Variants in HAS3 observed in about 807,000 individuals in gnomAD.
The protein encoded by HAS3 is HA synthase 3.
Under a neutral mutation model 50.3 loss-of-function variants are expected in HAS3, and 27 were observed. That is an observed-to-expected ratio of 0.54 (90% confidence interval 0.40 to 0.74). The LOEUF is 0.74. Among genes scored for constraint, HAS3 ranks in the 30% least tolerant of loss-of-function variants. The probability of loss-of-function intolerance (pLI) is 0.00; values close to 1 mark genes in which losing one functional copy is unlikely to be tolerated. For missense variants in HAS3, 517 were observed against 742.8 expected, an observed-to-expected ratio of 0.70 and a Z score of 3.53; for synonymous variants, 339 against 310.9, an observed-to-expected ratio of 1.09 and a Z score of -0.95.
chr16:69,104,264 T>C (rs553913775), upstream of HAS3, among the ~76,000 whole-genome samples: 17 of 129,636 alleles, frequency 1.3e-4, no homozygotes, highest in Non-Finnish European at 1.9e-4. Flanking sequence ...CTAATGTTTT[T>C]TTTTTTTTTC....
rs1960832808 is a variant in HAS3, at chr16:69,107,268, TG to T, written c.-1+1486del. 1 of 810,342 alleles carries T rather than the reference TG, an allele frequency of 1.2e-6. No individual in the cohort carries two copies. Among genetic ancestry groups the T allele is most frequent in the Non-Finnish European group, 1.4e-6 (1 of 693,206 alleles). 50.2% of individuals were successfully genotyped at this position (810,342 alleles called of 1,614,324 possible). A position where few individuals can be genotyped will look rare whatever the true frequency, so the allele number is the denominator to read the frequency against. Reference sequence around the variant, plus strand: ...CATTTTGGGGGCCTCTATTTGGGGGTGGGGGTAGTAACCTGGGTAATGCCTC... The same window carrying T: ...CATTTTGGGGGCCTCTATTTGGGGGTGGGGTAGTAACCTGGGTAATGCCTC... On this transcript the variant is annotated intron_variant, in intron 1 of 3. Transcript: ENST00000569188. The surrounding 1 kb of genome is among the most constrained non-coding windows in gnomAD (Gnocchi z 5.5).
chr16:69,096,395 G>T, the HAS3 span, among the ~76,000 whole-genome samples: 1 of 151,398 alleles, frequency 6.6e-6, no homozygotes, highest in Admixed American at 6.6e-5. Flanking sequence ...AATTAGCCAG[G>T]TGTGGTGGCA....
chr16:69,113,497 C>G lies in HAS3; in HGVS notation c.693C>G (p.Val231=). ...DPACTIEMLR[V]LEEDPQVGGV... is the part of the protein sequence containing the mutation. ...CCTGCACCATCGAGATGCTTCGAGT[C>G]CTGGAGGAGGATCCCCAAGTAGGGG... Residue 231 remains valine, a synonymous_variant, in exon 3 of 4, where the codon GTC becomes GTG. Transcript: ENST00000569188. The G allele has an allele frequency of 6.2e-7, 1 of 1,613,414 alleles. No individual in the cohort carries two copies. The highest frequency in any genetic ancestry group is 8.5e-7 in the Non-Finnish European group (1 of 1,179,544).
the HAS3 span, among the ~76,000 whole-genome samples, chr16:69,099,980 A>G: frequency 6.6e-6 from 1 of 152,188 alleles, no homozygotes; most frequent in Non-Finnish European, 1.5e-5. Context: ...TCAAGCCAGC[A>G]TAAAAGAACC....
chr16:69,106,423 C>G lies in HAS3; in HGVS notation c.-1+636C>G, dbSNP rs1195309940. 1 of 149,154 alleles carries G rather than the reference C, an allele frequency of 6.7e-6. No homozygotes were observed. Among genetic ancestry groups the G allele is most frequent in the African/African-American group, 2.4e-5 (1 of 41,042 alleles). 9.2% of individuals were successfully genotyped at this position (149,154 alleles called of 1,614,324 possible). On this transcript the variant is annotated intron_variant, in intron 1 of 3. Coordinates refer to ENST00000569188, the MANE Select transcript of HAS3 (RefSeq NM_001199280.2). The surrounding 1 kb of genome is among the most constrained non-coding windows in gnomAD (Gnocchi z 5.5). ...TGCCTCTCGCCGAGCCCCCCGCACCCGGCCAGCTCCCAGCCCTGCGGGCGC... is the reference window on the plus strand; with the variant it reads ...TGCCTCTCGCCGAGCCCCCCGCACCGGGCCAGCTCCCAGCCCTGCGGGCGC...
chr16:69,118,045 A>AAAGAT, downstream of HAS3: 1 of 421,054 alleles, frequency 2.4e-6, no homozygotes, highest in African/African-American at 2.0e-5. Flanking sequence ...AACAGTAAGA[A>AAAGAT]AAGATACAAT....
At position 69,109,309 on chromosome 16, in the gene HAS3, C is replaced by G; in HGVS notation, c.1-87C>G. 7.5e-7 allele frequency: 1 copy of G among 1,335,040 alleles called. No homozygotes were observed. Among genetic ancestry groups the G allele is most frequent in the African/African-American group, 1.4e-5 (1 of 69,128 alleles). 82.7% of individuals were successfully genotyped at this position (1,335,040 alleles called of 1,614,324 possible). A position where few individuals can be genotyped will look rare whatever the true frequency, so the allele number is the denominator to read the frequency against. ...AACGGTTTTGATCAGTGGGTCATGT[C>G]CACTAGTAACAGAGAACACCCATGC... On this transcript the variant is annotated intron_variant, in intron 1 of 3. Transcript: ENST00000569188. The surrounding 1 kb of genome is among the most constrained non-coding windows in gnomAD (Gnocchi z 5.3).
intron 1 of HAS3, among the ~76,000 whole-genome samples, chr16:69,108,906 C>T (rs1960901729): frequency 6.6e-6 from 1 of 152,154 alleles, no homozygotes; most frequent in Non-Finnish European, 1.5e-5. Flanking sequence ...GTGAATATCC[C>T]CTCCAGGAGT....
Position 69,113,449 on chromosome 16 carries a change from C to G in HAS3, c.645C>G (p.Asp215Glu). Reference sequence around the variant, plus strand: ...ACGCACTCCCTCTGCAGGTGTGCGACTCTGACACTGTGCTGGATCCAGCCT... The same window carrying G: ...ACGCACTCCCTCTGCAGGTGTGCGAGTCTGACACTGTGCTGGATCCAGCCT... ...GDSVDYIQVC[D>E]SDTVLDPACT... is the part of the protein sequence containing the mutation. Residue 215 changes from aspartate (D) to glutamate (E), a missense_variant, in exon 3 of 4, where the codon GAC becomes GAG. Asp to Glu is a conservative substitution (Grantham distance 45). Coordinates refer to ENST00000569188, the MANE Select transcript of HAS3 (RefSeq NM_001199280.2). The G allele has an allele frequency of 6.2e-7, 1 of 1,612,962 alleles. No homozygotes were observed. The highest frequency in any genetic ancestry group is 8.5e-7 in the Non-Finnish European group (1 of 1,179,086).
chr16:69,084,312 TC>T, the HAS3 span: 1 of 152,312 alleles, frequency 6.6e-6, no homozygotes, highest in South Asian at 2.1e-4. Flanking sequence ...GGTTGACTCT[TC>T]CAGAGAAGAA....
the HAS3 span, among the ~76,000 whole-genome samples, chr16:69,094,335 C>T: frequency 1.3e-5 from 2 of 152,132 alleles, no homozygotes; most frequent in African/African-American, 4.8e-5. Context: ...TAGAGCCACC[C>T]CCACCACACA....
the HAS3 span, chr16:69,084,215 G>A: frequency 6.6e-6 from 1 of 152,540 alleles, no homozygotes; most frequent in South Asian, 2.1e-4. Context: ...TGGATGGAAA[G>A]AACAGGGCTA....
the HAS3 span, among the ~76,000 whole-genome samples, chr16:69,089,672 C>T: frequency 6.6e-6 from 1 of 152,180 alleles, no homozygotes; most frequent in African/African-American, 2.4e-5. Context: ...CAGGGCTGTG[C>T]TCAGCGCCCT....
rs1162125638 is a variant in HAS3, at chr16:69,116,981, T to TC, written c.*1717dup. 1 of 985,322 alleles carries TC rather than the reference T, an allele frequency of 1.0e-6. No homozygotes were observed. The highest frequency in any genetic ancestry group is 1.1e-4 in the East Asian group (1 of 8,834). The allele number at this position is 985,322 out of a possible 1,614,324, so 61.0% of individuals were successfully genotyped here. A position where few individuals can be genotyped will look rare whatever the true frequency, so the allele number is the denominator to read the frequency against. On this transcript the variant is annotated 3_prime_UTR_variant, in exon 4 of 4. Transcript: ENST00000569188. ...CACAGATGGGCAAACCCTGGTGCTT[T>TC]CCTTCATCTCCCACGAACTCAAGGG...
the HAS3 span, among the ~76,000 whole-genome samples, chr16:69,092,784 C>T: frequency 1.3e-5 from 2 of 152,052 alleles, no homozygotes. Context: ...CATTTGAGCC[C>T]AGGAGTTTGA....
At chr16:69,101,825 C>T (rs897869943), upstream of HAS3, among the ~76,000 whole-genome samples, 3 of 151,940 alleles carry the variant, frequency 2.0e-5, no homozygotes, top group African/African-American at 2.4e-5. Context: ...CGCCCTGTCG[C>T]CCAGGCTCGA....
downstream of HAS3, chr16:69,117,924 T>C: frequency 4.9e-6 from 1 of 203,998 alleles, no homozygotes; most frequent in Non-Finnish European, 1.0e-5. Flanking sequence ...CGACATGATG[T>C]AAGACTGTAG....
chr16:69,097,303 C>T, the HAS3 span, among the ~76,000 whole-genome samples: 12 of 151,994 alleles, frequency 7.9e-5, no homozygotes, highest in East Asian at 5.8e-4. Context: ...GGTGAAACCC[C>T]GTCTCTACTA....
chr16:69,093,013 T>A, the HAS3 span, among the ~76,000 whole-genome samples: 1 of 152,162 alleles, frequency 6.6e-6, no homozygotes, highest in Non-Finnish European at 1.5e-5. Context: ...GCCAAGATAG[T>A]AAACATCTAA....
Sources: allele counts gnomAD v4.1 joint callset (sites outside exome capture counted in the v4.1 genomes callset), GRCh38; gene constraint gnomAD v4.1.1; non-coding constraint Gnocchi (gnomAD v3.1); transcripts MANE v1.5; gene names NCBI Gene and HGNC (gene_info 2026-07-23, HGNC 2026-07-21).